Variants in MARCHF1 observed in about 807,000 individuals in gnomAD.
MARCHF1 encodes membrane associated ring-CH-type finger 1, also known as E3 ubiquitin-protein ligase MARCHF1.
In MARCHF1, 40 loss-of-function variants were observed where a neutral mutation model predicts 54.2. The observed-to-expected ratio is 0.74, with a 90% CI of 0.57 to 0.96. MARCHF1 has a LOEUF of 0.96. Among genes scored for constraint, MARCHF1 ranks in the 40% least tolerant of loss-of-function variants. MARCHF1 has a pLI of 0.00. For missense variants in MARCHF1, 586 were observed against 656.5 expected, an observed-to-expected ratio of 0.89 and a Z score of 1.17; for synonymous variants, 236 against 236.3, an observed-to-expected ratio of 1.00 and a Z score of 0.01.
At chr4:163,879,200 C>T (rs1750360473) in intron 3 of MARCHF1, among the ~76,000 whole-genome samples, 1 of 152,050 alleles carries the variant, frequency 6.6e-6, no homozygotes, top group African/African-American at 2.4e-5. Context: ...TAGAGATTGC[C>T]TATTGAGGGG....
At chr4:163,605,830 C>T (rs1171616240) in intron 7 of MARCHF1, among the ~76,000 whole-genome samples, 1 of 152,106 alleles carries the variant, frequency 6.6e-6, no homozygotes, top group Non-Finnish European at 1.5e-5. Flanking sequence ...GCCACATGTT[C>T]TCACTCATAA....
intron 8 of MARCHF1, among the ~76,000 whole-genome samples, chr4:163,554,415 G>A (rs2110952531): frequency 1.3e-5 from 2 of 152,304 alleles, no homozygotes; most frequent in South Asian, 4.1e-4. Flanking sequence ...GAACAATGGA[G>A]AGCAGAGAGA....
chr4:164,208,307 A>G (rs774356704), intron 1 of MARCHF1, among the ~76,000 whole-genome samples: 5 of 152,172 alleles, frequency 3.3e-5, no homozygotes, highest in Non-Finnish European at 7.3e-5. Flanking sequence ...GCATCTAGAA[A>G]AGATCCTCTC....
At chr4:163,911,331 C>T (rs1751185007) in intron 3 of MARCHF1, among the ~76,000 whole-genome samples, 1 of 152,124 alleles carries the variant, frequency 6.6e-6, no homozygotes, top group Admixed American at 6.6e-5. Context: ...ACACGAAGCA[C>T]ACTTTATGTT....
At chr4:164,255,579 T>G (rs543134965) in intron 1 of MARCHF1, among the ~76,000 whole-genome samples, 24 of 151,914 alleles carry the variant, frequency 1.6e-4, no homozygotes, top group Admixed American at 1.1e-3. Context: ...CCACCTAAAA[T>G]CAAGTGGCAC....
At chr4:163,890,801 A>C (rs1326504356) in intron 3 of MARCHF1, among the ~76,000 whole-genome samples, 1 of 152,098 alleles carries the variant, frequency 6.6e-6, no homozygotes, top group Non-Finnish European at 1.5e-5. Context: ...GACCCACCGG[A>C]ACCCGGCCTC....
intron 2 of MARCHF1, among the ~76,000 whole-genome samples, chr4:164,096,545 C>T (rs879534632): frequency 6.6e-6 from 1 of 150,512 alleles, no homozygotes; most frequent in Non-Finnish European, 1.5e-5. Context: ...AACAGACCTG[C>T]ACATGTATTT....
chr4:163,775,835 C>T (rs1159491505), intron 4 of MARCHF1, among the ~76,000 whole-genome samples: 1 of 151,974 alleles, frequency 6.6e-6, no homozygotes, highest in Non-Finnish European at 1.5e-5. Flanking sequence ...TTTAGAGCAG[C>T]CAGTGTTGGA....
At chr4:163,923,244 A>T (rs1348276476) in intron 3 of MARCHF1, among the ~76,000 whole-genome samples, 1 of 152,124 alleles carries the variant, frequency 6.6e-6, no homozygotes, top group Non-Finnish European at 1.5e-5. Flanking sequence ...AAAAATCAAA[A>T]TATTTATGCA....
At chr4:164,182,211 A>C (rs1163049924) in intron 1 of MARCHF1, among the ~76,000 whole-genome samples, 1 of 152,142 alleles carries the variant, frequency 6.6e-6, no homozygotes. Context: ...TCTAGACCAC[A>C]TAGTGTAATC....
chr4:163,798,258 A>G (rs112381532), intron 4 of MARCHF1, among the ~76,000 whole-genome samples: 3,098 of 152,280 alleles, frequency 0.02, 49 homozygotes, highest in African/African-American at 0.049. Context: ...AACCATTGTG[A>G]GGATAAAGCA....
intron 5 of MARCHF1, among the ~76,000 whole-genome samples, chr4:163,631,049 T>C (rs1312680935): frequency 2.6e-5 from 4 of 152,192 alleles, no homozygotes; most frequent in African/African-American, 9.7e-5. Flanking sequence ...ATTCCCAGTT[T>C]CATAGAATAT....
At chr4:164,242,484 CCAT>C (rs1275865591) in intron 1 of MARCHF1, among the ~76,000 whole-genome samples, 1 of 148,254 alleles carries the variant, frequency 6.7e-6, no homozygotes, top group East Asian at 2.0e-4. Context: ...CTGTACATCA[CCAT>C]CATCAAAGAC....
At chr4:163,622,026 C>T (rs914029120) in intron 5 of MARCHF1, among the ~76,000 whole-genome samples, 2 of 152,034 alleles carry the variant, frequency 1.3e-5, no homozygotes, top group African/African-American at 4.8e-5. Context: ...AGTTCCCTCC[C>T]ACCCCCAGCC....
At chr4:163,808,517 C>T (rs1372345457) in intron 4 of MARCHF1, among the ~76,000 whole-genome samples, 1 of 152,122 alleles carries the variant, frequency 6.6e-6, no homozygotes, top group Non-Finnish European at 1.5e-5. Context: ...GAGGCCTGTG[C>T]TCCAGAAATA....
chr4:163,837,642 T>C (rs1749226491), intron 4 of MARCHF1, among the ~76,000 whole-genome samples: 2 of 90,348 alleles, frequency 2.2e-5, no homozygotes, highest in South Asian at 7.3e-4. Context: ...TAAAATTTTA[T>C]GCAACTAATA....
At chr4:163,848,474 T>C (rs1366789934) in intron 4 of MARCHF1, among the ~76,000 whole-genome samples, 2 of 152,232 alleles carry the variant, frequency 1.3e-5, no homozygotes, top group Non-Finnish European at 2.9e-5. Context: ...CTTCTTGTTT[T>C]GACTTCCATG....
At chr4:163,900,255 A>T (rs574423776) in intron 3 of MARCHF1, among the ~76,000 whole-genome samples, 73 of 152,246 alleles carry the variant, frequency 4.8e-4, no homozygotes, top group African/African-American at 1.6e-3. Context: ...ATGAATTTTG[A>T]CTGGTACTCC....
intron 1 of MARCHF1, among the ~76,000 whole-genome samples, chr4:164,170,402 T>TA (rs1730490102): frequency 6.6e-6 from 1 of 152,064 alleles, no homozygotes; most frequent in Non-Finnish European, 1.5e-5. Flanking sequence ...CTCTCAGACT[T>TA]ATAAGGGACA....
Sources: gnomAD v4.1 joint callset for allele counts (sites outside exome capture counted in the v4.1 genomes callset) on GRCh38, gnomAD v4.1.1 for gene constraint, MANE v1.5 for transcripts, NCBI Gene and HGNC (gene_info 2026-07-23, HGNC 2026-07-21) for gene names.